The following CYP4F3 variants were observed in gnomAD, a reference collection of about 807,000 sequenced individuals.
CYP4F3 encodes cytochrome P450 family 4 subfamily F member 3, also known as cytochrome P450 4F3.
A neutral mutation model predicts 54.8 loss-of-function variants in CYP4F3; 50 were observed. The observed-to-expected ratio is 0.91, with a 90% CI of 0.73 to 1.16. CYP4F3 has a LOEUF of 1.16. CYP4F3 is among the 50% of genes most tolerant of loss of function. CYP4F3 has a pLI of 0.00. For missense variants in CYP4F3, 715 were observed against 676.2 expected (o/e 1.06, Z -0.64); for synonymous variants, 244 against 262.6 (o/e 0.93, Z 0.69).
intron 9 of CYP4F3, among the ~76,000 whole-genome samples, chr19:15,654,619 T>G (rs1365553150): frequency 6.6e-6 from 1 of 152,254 alleles, no homozygotes; most frequent in East Asian, 1.9e-4. Context: ...TTTGTCTTTC[T>G]GTTTTTGGCT....
At chr19:15,650,224 G>A (rs1434198315) in intron 7 of CYP4F3, 41 bp downstream of exon 7, 3 of 1,614,128 alleles carry the variant, frequency 1.9e-6, no homozygotes, top group Non-Finnish European at 2.5e-6. Flanking sequence ...GTAGAAGGGA[G>A]CTTCATGTGA....
intron 7 of CYP4F3, among the ~76,000 whole-genome samples, chr19:15,650,720 CTT>C (rs376747665): frequency 2.1e-5 from 1 of 48,458 alleles, no homozygotes; most frequent in East Asian, 1.0e-3. Flanking sequence ...TTCTTTCTTT[CTT>C]TCTTTCTTTC....
chr19:15,656,304 A>G (rs1470606387), intron 9 of CYP4F3, among the ~76,000 whole-genome samples: 1 of 149,784 alleles, frequency 6.7e-6, no homozygotes, highest in East Asian at 2.0e-4. Context: ...ATATATATAC[A>G]CCACATGGAA....
chr19:15,643,956 C>A (rs754294715), intron 2 of CYP4F3: 3 of 1,606,106 alleles, frequency 1.9e-6, no homozygotes, highest in African/African-American at 2.7e-5. Context: ...CTGGTGGCCA[C>A]CTACCCCCAG....
At chr19:15,649,728 G>A (rs560238714) in intron 6 of CYP4F3, among the ~76,000 whole-genome samples, 185 bp from the exon 7 acceptor site, 1 of 152,284 alleles carries the variant, frequency 6.6e-6, no homozygotes, top group South Asian at 2.1e-4. Flanking sequence ...GAGATGGGAT[G>A]CAGGGAGAGA....
Position 15,650,058 on chromosome 19 carries a change from G to A in CYP4F3, c.793G>A (p.Asp265Asn), listed in dbSNP as rs1972746275. The change falls in exon 7 of 13, where the codon GAC (aspartate) becomes AAC (asparagine). Residue 265 changes from aspartate to asparagine, a missense_variant. Physicochemically the swap from Asp to Asn is conservative, Grantham distance 23 (BLOSUM62 1). Coordinates refer to ENST00000221307, the MANE Select transcript of CYP4F3 (RefSeq NM_000896.3). Reference sequence around the variant, plus strand: ...CCGCAGGGCCTGCCGCCTGGTGCACGACTTCACAGATGCCGTCATCCAGGA... The same window carrying A: ...CCGCAGGGCCTGCCGCCTGGTGCACAACTTCACAGATGCCGTCATCCAGGA... ...RFRRACRLVH[D>N]FTDAVIQERR... 1 of 1,614,192 alleles carries A rather than the reference G, an allele frequency of 6.2e-7. No individual in the cohort carries two copies. The highest frequency in any genetic ancestry group is 8.5e-7 in the Non-Finnish European group (1 of 1,180,034).
chr19:15,651,437 G>T (rs144760347), intron 7 of CYP4F3, among the ~76,000 whole-genome samples: 1 of 136,334 alleles, frequency 7.3e-6, no homozygotes, highest in African/African-American at 2.6e-5. Context: ...GTGCGATCTC[G>T]GCTTACTGCA....
chr19:15,654,060 C>T (rs10405638), intron 9 of CYP4F3, among the ~76,000 whole-genome samples: 68,724 of 149,504 alleles, frequency 0.46, 16,641 homozygotes, highest in East Asian at 0.64. Flanking sequence ...GCAGTGGGGA[C>T]ATTCTGAGGC....
intron 2 of CYP4F3, among the ~76,000 whole-genome samples, chr19:15,643,637 A>G (rs1295402362): frequency 6.6e-6 from 1 of 152,156 alleles, no homozygotes; most frequent in Non-Finnish European, 1.5e-5. Context: ...GTCCAAGGGC[A>G]GGAGAAGATG....
At chr19:15,647,579 A>G (rs1972668738) in intron 5 of CYP4F3, among the ~76,000 whole-genome samples, 1 of 152,228 alleles carries the variant, frequency 6.6e-6, no homozygotes, top group South Asian at 2.1e-4. Context: ...CTGTAAACTC[A>G]AGAGGGTAAT....
chr19:15,646,926 A>T, intron 3 of CYP4F3, 126 bp from the exon 4 acceptor site: 1 of 1,356,630 alleles, frequency 7.4e-7, no homozygotes, highest in Non-Finnish European at 1.0e-6. Flanking sequence ...TCTCCCCTTG[A>T]CCCTCTTCTT....
intron 9 of CYP4F3, among the ~76,000 whole-genome samples, chr19:15,657,541 G>A (rs1221790128): frequency 1.3e-5 from 2 of 152,026 alleles, no homozygotes; most frequent in East Asian, 3.9e-4. Context: ...TGCCTGCCTC[G>A]GTCTCCCAAA....
chr19:15,653,939 C>T (rs2144665750), intron 9 of CYP4F3, among the ~76,000 whole-genome samples: 1 of 118,470 alleles, frequency 8.4e-6, no homozygotes, highest in Non-Finnish European at 1.7e-5. Context: ...CAATAGGGAG[C>T]CATGAGAAGT....
Position 15,651,370 on chromosome 19 carries a change from GTC to G in CYP4F3, c.918+1189_918+1190del, listed in dbSNP as rs1430976776. ...ATGTCAATGCTATATCTATATCTTT[GTC>G]TTTTTTTTTTTTTGAGATGGAGTCT... On this transcript the variant is annotated intron_variant, in intron 7 of 12. Coordinates refer to ENST00000221307, the MANE Select transcript of CYP4F3 (RefSeq NM_000896.3). Among the ~76,000 whole-genome samples the G allele has an allele frequency of 2.3e-5, 2 of 87,176 alleles. 1 individual carries two copies. Among genetic ancestry groups the G allele is most frequent in the Non-Finnish European group, 4.5e-5 (2 of 44,486 alleles). The allele number at this position is 87,176 out of a possible 152,430, so 57.2% of individuals were successfully genotyped here.
rs28371509 is a variant in CYP4F3 at position 15,659,580 on chromosome 19, A to G, written c.*195A>G. 2,703 of 1,016,704 alleles carry G rather than the reference A, an allele frequency of 2.7e-3. 36 individuals are homozygous for G. The African/African-American group carries it at 0.041, about 15-fold the overall frequency. The allele number at this position is 1,016,704 out of a possible 1,614,324, so 63.0% of individuals were successfully genotyped here. A position where few individuals can be genotyped will look rare whatever the true frequency, so the allele number is the denominator to read the frequency against. On this transcript the variant is annotated 3_prime_UTR_variant, in exon 13 of 13. Coordinates refer to ENST00000221307, the MANE Select transcript of CYP4F3 (RefSeq NM_000896.3). The stretch of plus-strand genomic sequence containing the variant: ...CATGGCAGCCCTATTCACAGTAGCC[A>G]AACGATGAAAACAACCCCAAGCTAT...
chr19:15,649,376 C>A, intron 6 of CYP4F3, 95 bp downstream of exon 6: 1 of 1,588,072 alleles, frequency 6.3e-7, no homozygotes, highest in East Asian at 2.3e-5. Flanking sequence ...TCAGACAAAC[C>A]TTCTTGGAGG....
chr19:15,642,172 C>A (rs2144628032), intron 2 of CYP4F3, among the ~76,000 whole-genome samples: 1 of 152,342 alleles, frequency 6.6e-6, no homozygotes, highest in Middle Eastern at 3.4e-3. Flanking sequence ...CCTTCCCTGA[C>A]CTTTCTCCTC....
At chr19:15,651,865 AT>A (rs1972866058) in intron 7 of CYP4F3, among the ~76,000 whole-genome samples, 1 of 152,208 alleles carries the variant, frequency 6.6e-6, no homozygotes, top group Non-Finnish European at 1.5e-5. Context: ...TGACAGAGGC[AT>A]TAAATCTCTG....
At position 15,647,323 on chromosome 19, in the gene CYP4F3, A is replaced by T. The variant is rs375275326; in HGVS notation, c.524A>T (p.His175Leu). The T allele has an allele frequency of 5.5e-5, 89 of 1,614,074 alleles. No homozygotes were observed. Among genetic ancestry groups the T allele is most frequent in the Non-Finnish European group, 7.3e-5 (86 of 1,180,020 alleles). Residue 175 changes from histidine (H) to leucine (L), a missense_variant and splice_region_variant, in exon 5 of 13, where the codon CAT (histidine) becomes CTT (leucine). His to Leu is a moderately conservative substitution (Grantham distance 99). Coordinates refer to ENST00000221307, the MANE Select transcript of CYP4F3 (RefSeq NM_000896.3). ...TTCAATGAGAGTGTGAACATCATGC[A>T]TGTGAGTTATTTGAAGCCAAGGTCC... Reference protein sequence around the residue: ...KIFNESVNIMHAKWQLLASEG... With the variant: ...KIFNESVNIMLAKWQLLASEG...
Sources: allele counts gnomAD v4.1 joint callset (sites outside exome capture counted in the v4.1 genomes callset), GRCh38; gene constraint gnomAD v4.1.1; transcripts MANE v1.5; gene names NCBI Gene and HGNC (gene_info 2026-07-23, HGNC 2026-07-21).